TRHDE: variants seen among roughly 807,000 people sequenced by gnomAD.
TRHDE encodes thyrotropin-releasing hormone-degrading ectoenzyme.
A neutral mutation model predicts 125.7 loss-of-function variants in TRHDE; 72 were observed. The ratio of observed to expected loss-of-function variants is 0.57; its 90% CI spans 0.47 to 0.70. TRHDE has a LOEUF of 0.70. TRHDE is among the 30% of genes least tolerant of loss of function. The pLI, the probability that TRHDE is intolerant of heterozygous loss-of-function variation, is 0.00. For synonymous variants in TRHDE, 509 were observed against 509.1 expected, an observed-to-expected ratio of 1.00 and a Z score of 0.00; for missense variants, 1,110 against 1,327.1, an observed-to-expected ratio of 0.84 and a Z score of 2.54.
rs756557621 is a variant in TRHDE at position 72,377,983 on chromosome 12, A to C, written c.1189-12A>C. 56 of 1,551,964 alleles carry C rather than the reference A, an allele frequency of 3.6e-5. No homozygotes were observed. Among genetic ancestry groups the C allele is most frequent in the Non-Finnish European group, 4.7e-5 (54 of 1,154,734 alleles). On this transcript the variant is annotated splice_polypyrimidine_tract_variant and intron_variant, in intron 2 of 18. Transcript: ENST00000261180. ...AAAGGCTAAAGTAACTTTTATATAT[A>C]TTTTTAATTAGGTACGATTATATGC...
intron 2 of TRHDE, among the ~76,000 whole-genome samples, chr12:72,218,758 C>G (rs1877945594): frequency 1.3e-5 from 2 of 152,114 alleles, no homozygotes; most frequent in Non-Finnish European, 2.9e-5. Context: ...CTCAGTGTCT[C>G]AATTCTCCCT....
intron 2 of TRHDE, among the ~76,000 whole-genome samples, chr12:72,140,861 T>C (rs1235299362): frequency 6.6e-6 from 1 of 152,118 alleles, no homozygotes; most frequent in Non-Finnish European, 1.5e-5. Flanking sequence ...GAGCAGAACA[T>C]AAATATTCTT....
chr12:72,272,331 G>A (rs1034834016), upstream of TRHDE: 20 of 360,698 alleles, frequency 5.5e-5, no homozygotes, highest in Non-Finnish European at 9.8e-5. This position sits in a 1 kb window ranked among gnomAD's most constrained non-coding sequence, Gnocchi z 6.7. Context: ...GGCGCGCAGG[G>A]GCGGGGGCAG....
At chr12:72,364,992 T>C (rs556759492) in intron 2 of TRHDE, among the ~76,000 whole-genome samples, 1 of 152,252 alleles carries the variant, frequency 6.6e-6, no homozygotes, top group South Asian at 2.1e-4. Flanking sequence ...AGAGGTAGTC[T>C]GTTTCACAGA....
intron 1 of TRHDE, among the ~76,000 whole-genome samples, chr12:72,285,130 A>G (rs1370708736): frequency 6.6e-6 from 1 of 152,234 alleles, no homozygotes; most frequent in Non-Finnish European, 1.5e-5. Flanking sequence ...TTCATAATTT[A>G]AAAATAGTGT....
intron 2 of TRHDE, among the ~76,000 whole-genome samples, chr12:72,356,627 G>A (rs905789402): frequency 6.6e-6 from 1 of 151,488 alleles, no homozygotes; most frequent in African/African-American, 2.4e-5. Flanking sequence ...GTGGTTTACA[G>A]CAATCTATGT....
At chr12:72,509,352 C>A (rs1487766841) in intron 6 of TRHDE, among the ~76,000 whole-genome samples, 1 of 151,900 alleles carries the variant, frequency 6.6e-6, no homozygotes, top group East Asian at 1.9e-4. Context: ...TCATTCTATT[C>A]TCCCCAGGTA....
chr12:72,631,698 G>A (rs1288607848), intron 15 of TRHDE, among the ~76,000 whole-genome samples: 1 of 151,806 alleles, frequency 6.6e-6, no homozygotes, highest in Non-Finnish European at 1.5e-5. Context: ...TGTATTTTGA[G>A]CAATACACAT....
At chr12:72,300,098 A>G (rs1204355269) in intron 2 of TRHDE, among the ~76,000 whole-genome samples, 1 of 152,126 alleles carries the variant, frequency 6.6e-6, no homozygotes. Flanking sequence ...CAGATTTTAA[A>G]GAATATTTTT....
At chr12:72,513,239 C>T (rs1878685736) in intron 6 of TRHDE, among the ~76,000 whole-genome samples, 1 of 152,014 alleles carries the variant, frequency 6.6e-6, no homozygotes, top group Admixed American at 6.6e-5. Context: ...GAATTCAGGG[C>T]TTTATTAATT....
At chr12:72,451,444 GA>G (rs2135870458) in intron 3 of TRHDE, among the ~76,000 whole-genome samples, 1 of 152,286 alleles carries the variant, frequency 6.6e-6, no homozygotes, top group East Asian at 1.9e-4. Context: ...AAAATGCAAG[GA>G]TTTATTTCTG....
At chr12:72,330,212 G>A (rs1444599060) in intron 2 of TRHDE, among the ~76,000 whole-genome samples, 2 of 151,884 alleles carry the variant, frequency 1.3e-5, no homozygotes, top group African/African-American at 4.8e-5. Flanking sequence ...CTGGCCTTGA[G>A]CAATACACAG....
chr12:72,147,903 AG>A (rs374444917), intron 2 of TRHDE: 5 of 152,376 alleles, frequency 3.3e-5, no homozygotes, highest in African/African-American at 1.2e-4. Flanking sequence ...GCAGATGATG[AG>A]TGGTTTCAAC....
At chr12:72,432,181 C>T (rs118146364) in intron 3 of TRHDE, 2,571 of 152,150 alleles carry the variant, frequency 0.017, 39 homozygotes, top group South Asian at 0.045. Context: ...GGGTCTGTCC[C>T]GCAGACCCTG....
chr12:72,630,885 G>C (rs1345963366), intron 15 of TRHDE, among the ~76,000 whole-genome samples: 2 of 136,136 alleles, frequency 1.5e-5, no homozygotes, highest in Non-Finnish European at 3.2e-5. Flanking sequence ...AAAATTCATA[G>C]CAAAAAAAAA....
Position 72,146,051 on chromosome 12 carries a change from T to C in TRHDE, n.279+40299T>C, listed in dbSNP as rs368223855. On this transcript the variant is annotated intron_variant and non_coding_transcript_variant, in intron 2 of 4. Transcript: ENST00000548156. ...TAGGCATTTCTCACTACTAGAAATG[T>C]GTCACGATAATAAGAAAATAATTTA... Among the ~76,000 whole-genome samples the C allele has an allele frequency of 4.2e-3, 644 of 152,314 alleles. 1 individual carries two copies. Among genetic ancestry groups the C allele is most frequent in the African/African-American group, 0.015 (622 of 41,570 alleles).
chr12:72,220,502 C>A (rs996496416), intron 2 of TRHDE, among the ~76,000 whole-genome samples: 12 of 151,934 alleles, frequency 7.9e-5, no homozygotes, highest in Non-Finnish European at 2.9e-5. Flanking sequence ...TTTTCAATTT[C>A]TTCTATCATC....
At chr12:72,528,149 A>G (rs1371474723) in intron 6 of TRHDE, among the ~76,000 whole-genome samples, 1 of 152,230 alleles carries the variant, frequency 6.6e-6, no homozygotes, top group African/African-American at 2.4e-5. Flanking sequence ...TGTATTCAAA[A>G]TGTACCTAAA....
chr12:72,207,016 TATACAC>T lies in TRHDE; in HGVS notation n.279+101265_279+101270del, dbSNP rs1296287035. 3.3e-5 allele frequency among the ~76,000 whole-genome samples: 5 copies of T among 152,302 alleles called. No individual in the cohort carries two copies. In the East Asian group the frequency reaches 9.6e-4, roughly 29 times the overall value. The stretch of plus-strand genomic sequence containing the variant: ...ACTTTTTACCTTTCTCTTTTAGTGT[TATACAC>T]TAAGGTTCTCAACATTTTCTATTAC... On this transcript the variant is annotated intron_variant and non_coding_transcript_variant, in intron 2 of 4. Transcript: ENST00000548156.
Sources: gnomAD v4.1 joint callset for allele counts (sites outside exome capture counted in the v4.1 genomes callset) on GRCh38, gnomAD v4.1.1 for gene constraint, Gnocchi (gnomAD v3.1) non-coding constraint, MANE v1.5 for transcripts, NCBI Gene and HGNC (gene_info 2026-07-23, HGNC 2026-07-21) for gene names.